Variants in TSPAN7 observed in about 807,000 individuals in gnomAD.
The protein encoded by TSPAN7 is tetraspanin-7.
In TSPAN7, 1 loss-of-function variant was observed where a neutral mutation model predicts 17.6. That is an observed-to-expected ratio of 0.06 (90% CI 0.02 to 0.27). The LOEUF (loss-of-function observed/expected upper bound fraction) is 0.27. TSPAN7 is among the 10% of genes least tolerant of loss of function. The pLI is 1.00. For missense variants in TSPAN7, 112 were observed against 201.7 expected, an observed-to-expected ratio of 0.56 and a Z score of 2.69; for synonymous variants, 78 against 79.0, an observed-to-expected ratio of 0.99 and a Z score of 0.07.
intron 1 of TSPAN7, among the ~76,000 whole-genome samples, chrX:38,650,517 C>A (rs1028071556): frequency 9.0e-6 from 1 of 111,641 alleles, no homozygotes; most frequent in Non-Finnish European, 1.9e-5. Flanking sequence ...TTCCTGTGCC[C>A]AGGAAAGCAT....
chrX:38,602,911 G>A (rs1028535587), intron 1 of TSPAN7, among the ~76,000 whole-genome samples: 1 of 111,448 alleles, frequency 9.0e-6, no homozygotes, highest in Admixed American at 9.5e-5. Context: ...CTGAGTATTC[G>A]GGAATAAGTG....
rs149439315 is a variant in TSPAN7 at position 38,571,345 on chromosome X, C to T, written c.81+9718C>T. ...CCCATCCTAAGAGATTCTGATTCAACTGGTCTGGACAGAGTGCCAGAATTG... is the reference window on the plus strand; with the variant it reads ...CCCATCCTAAGAGATTCTGATTCAATTGGTCTGGACAGAGTGCCAGAATTG... On this transcript the variant is annotated intron_variant, in intron 1 of 7. Transcript: ENST00000378482. Among the ~76,000 whole-genome samples the T allele has an allele frequency of 9.2e-3, 1,025 of 111,418 alleles. 9 individuals carry two copies. The highest frequency in any genetic ancestry group is 0.032 in the African/African-American group (989 of 30,724).
intron 1 of TSPAN7, among the ~76,000 whole-genome samples, chrX:38,569,171 G>A (rs935598590): frequency 1.8e-5 from 2 of 110,935 alleles, no homozygotes; most frequent in Non-Finnish European, 3.8e-5. Context: ...CCTGAAGTAC[G>A]TGTTTATCAA....
At chrX:38,673,512 C>T (rs1010696015) in intron 3 of TSPAN7, among the ~76,000 whole-genome samples, 1 of 108,824 alleles carries the variant, frequency 9.2e-6, no homozygotes, top group African/African-American at 3.4e-5. Context: ...GGATTACTGG[C>T]GCCTGCCACC....
At chrX:38,563,260 T>A in intron 1 of TSPAN7, 1 of 500,962 alleles carries the variant, frequency 2.0e-6, no homozygotes, top group Non-Finnish European at 2.8e-6. Flanking sequence ...CGACACAGGT[T>A]GAAATGTCTC....
chrX:38,568,510 G>T (rs113020350), intron 1 of TSPAN7, among the ~76,000 whole-genome samples: 1,607 of 110,790 alleles, frequency 0.015, 29 homozygotes, highest in African/African-American at 0.05. Flanking sequence ...TGTTCTTGTT[G>T]TTGGTGTTGA....
chrX:38,614,722 G>A (rs898153371), intron 1 of TSPAN7, among the ~76,000 whole-genome samples: 1 of 112,519 alleles, frequency 8.9e-6, no homozygotes, highest in Non-Finnish European at 1.9e-5. Context: ...CATGGGCACT[G>A]TTGTGCCGTC....
intron 1 of TSPAN7, among the ~76,000 whole-genome samples, chrX:38,576,099 C>A (rs1385364462): frequency 8.9e-6 from 1 of 112,125 alleles, no homozygotes; most frequent in Admixed American, 9.5e-5. Flanking sequence ...GTGAAAGCAG[C>A]ATAGACAATA....
At chrX:38,566,047 A>C (rs1029741000) in intron 1 of TSPAN7, among the ~76,000 whole-genome samples, 2 of 112,255 alleles carry the variant, frequency 1.8e-5, no homozygotes, top group African/African-American at 3.2e-5. Context: ...CTTACATAGC[A>C]GTAAGTCCTG....
rs1376055771 is a variant in TSPAN7, at chrX:38,654,728, GGATGAATA to G, written c.82-11391_82-11384del. ...GGCCCTGGGGATACACCCATGAATAGGATGAATAGGACAAAAATCCTGCCCTCACAGAA... is the reference window on the plus strand; with the variant it reads ...GGCCCTGGGGATACACCCATGAATAGGGACAAAAATCCTGCCCTCACAGAA... On this transcript the variant is annotated intron_variant, in intron 1 of 7. Transcript: ENST00000378482. Among the ~76,000 whole-genome samples, 332 of 34,589 alleles carry G rather than the reference GGATGAATA, an allele frequency of 9.6e-3. 1 individual carries two copies. The African/African-American group carries it at 0.11, about 12-fold the overall frequency. 30.0% of individuals were successfully genotyped at this position (34,589 alleles called of 115,157 possible).
At chrX:38,642,731 G>A (rs2069620375) in intron 1 of TSPAN7, among the ~76,000 whole-genome samples, 1 of 112,093 alleles carries the variant, frequency 8.9e-6, no homozygotes, top group Non-Finnish European at 1.9e-5. Context: ...CTGCAGTGAT[G>A]CTGCTTGGGT....
intron 1 of TSPAN7, chrX:38,656,159 C>G: frequency 4.3e-6 from 1 of 230,415 alleles, no homozygotes; most frequent in Admixed American, 4.8e-5. Flanking sequence ...AAATCAGGTA[C>G]GAGGTATGGC....
rs200959450 is a variant in TSPAN7 at position 38,586,310 on chromosome X, TC to T, written c.81+24684del. 3.0e-3 allele frequency among the ~76,000 whole-genome samples: 337 copies of T among 112,460 alleles called. 6 individuals are homozygous for T. In the East Asian group the frequency reaches 0.068, roughly 23 times the overall value. ...CTCAGTTTGCAGAATTGGGAGTTTT[TC>T]AATATTTGATATCAGGAAGGCTTTG... On this transcript the variant is annotated intron_variant, in intron 1 of 7. Coordinates refer to ENST00000378482, the MANE Select transcript of TSPAN7 (RefSeq NM_004615.4).
chrX:38,620,292 C>T (rs997082758), intron 1 of TSPAN7, among the ~76,000 whole-genome samples: 2 of 111,924 alleles, frequency 1.8e-5, no homozygotes, highest in Non-Finnish European at 3.8e-5. Flanking sequence ...GTAAAGAATT[C>T]GCCTCCTCAT....
At chrX:38,647,480 G>T (rs1286016012) in intron 1 of TSPAN7, among the ~76,000 whole-genome samples, 3 of 111,782 alleles carry the variant, frequency 2.7e-5, no homozygotes, top group Non-Finnish European at 5.6e-5. Context: ...TTTCTAGAAG[G>T]TACCAAACAT....
chrX:38,655,446 G>C (rs2069697873), intron 1 of TSPAN7, among the ~76,000 whole-genome samples: 1 of 110,903 alleles, frequency 9.0e-6, no homozygotes, highest in South Asian at 3.8e-4. Context: ...GGACATATGA[G>C]TGTTGAAAGG....
intron 4 of TSPAN7, among the ~76,000 whole-genome samples, chrX:38,674,650 T>C (rs765435862): frequency 2.0e-4 from 22 of 111,767 alleles, no homozygotes; most frequent in Non-Finnish European, 4.0e-4. Flanking sequence ...TCCCGGAGGC[T>C]GGCTTTCTGG....
intron 1 of TSPAN7, among the ~76,000 whole-genome samples, chrX:38,562,386 G>T (rs1043509748): frequency 1.5e-4 from 17 of 111,188 alleles, no homozygotes; most frequent in Non-Finnish European, 2.5e-4. Context: ...CTGGCAGAGG[G>T]TCCCCTCCAC....
intron 1 of TSPAN7, among the ~76,000 whole-genome samples, chrX:38,624,532 T>C (rs2069509824): frequency 8.9e-6 from 1 of 112,566 alleles, no homozygotes; most frequent in Non-Finnish European, 1.9e-5. Flanking sequence ...TCAGTAACCT[T>C]ACAGGTCACT....
Sources: allele counts gnomAD v4.1 joint callset (sites outside exome capture counted in the v4.1 genomes callset), GRCh38; gene constraint gnomAD v4.1.1; transcripts MANE v1.5; gene names NCBI Gene and HGNC (gene_info 2026-07-23, HGNC 2026-07-21).